The following MBP variants were observed in gnomAD, a reference collection of about 807,000 sequenced individuals.
The protein encoded by MBP is Golli-MBP.
In MBP, 16 loss-of-function variants were observed where a neutral mutation model predicts 35.8. The observed-to-expected ratio is 0.45, with a 90% CI of 0.30 to 0.68. The LOEUF (loss-of-function observed/expected upper bound fraction) is 0.68. Ranked by LOEUF, MBP falls within the 30% of genes least tolerant of loss-of-function variation. The probability of loss-of-function intolerance (pLI) is 0.08; values close to 1 mark genes in which losing one functional copy is unlikely to be tolerated. For missense variants in MBP, 380 were observed against 404.7 expected (o/e 0.94, Z 0.52); for synonymous variants, 143 against 159.6 (o/e 0.90, Z 0.78).
At chr18:77,056,878 C>T (rs1251661816) in intron 3 of MBP, among the ~76,000 whole-genome samples, 1 of 152,126 alleles carries the variant, frequency 6.6e-6, no homozygotes, top group South Asian at 2.1e-4. Flanking sequence ...TCCTAGAAGC[C>T]GAGACCTTTG....
chr18:77,037,078 G>C (rs920305477), intron 3 of MBP, among the ~76,000 whole-genome samples: 11 of 147,958 alleles, frequency 7.4e-5, no homozygotes, highest in African/African-American at 2.8e-4. Context: ...CTGAGTAAGT[G>C]CTGGTCACAT....
At chr18:77,118,612 C>CCAGA (rs139924625) in intron 1 of MBP, among the ~76,000 whole-genome samples, 2 of 134,204 alleles carry the variant, frequency 1.5e-5, no homozygotes, top group Non-Finnish European at 3.2e-5. Context: ...TCCACAGACA[C>CCAGA]CACACACACA....
chr18:77,114,339 A>T (rs1050861129), intron 1 of MBP: 2 of 152,240 alleles, frequency 1.3e-5, no homozygotes, highest in African/African-American at 2.4e-5. Context: ...AGAGAAAGCC[A>T]TTATCAGAAT....
intron 4 of MBP, among the ~76,000 whole-genome samples, chr18:77,011,143 A>T (rs1432592265): frequency 6.6e-6 from 1 of 152,140 alleles, no homozygotes; most frequent in African/African-American, 2.4e-5. Flanking sequence ...ACGTCTCCTG[A>T]TGGATTCTCC....
intron 1 of MBP, among the ~76,000 whole-genome samples, chr18:77,123,129 T>A (rs1486791346): frequency 6.6e-6 from 1 of 152,198 alleles, no homozygotes; most frequent in Non-Finnish European, 1.5e-5. Context: ...AAGGAATTTT[T>A]AAAAAGTAAT....
At chr18:77,074,736 C>T (rs965976319) in intron 2 of MBP, among the ~76,000 whole-genome samples, 3 of 152,216 alleles carry the variant, frequency 2.0e-5, no homozygotes, top group South Asian at 2.1e-4. Context: ...AGCCTGCATT[C>T]CTCAACCTCA....
intron 8 of MBP, chr18:76,982,069 C>T (rs1218427634): frequency 4.6e-5 from 7 of 152,210 alleles, no homozygotes; most frequent in Non-Finnish European, 8.8e-5. Flanking sequence ...ATCATTGAAA[C>T]TACAATTTGT....
At chr18:77,032,006 T>C (rs1297348555) in intron 3 of MBP, among the ~76,000 whole-genome samples, 2 of 152,196 alleles carry the variant, frequency 1.3e-5, no homozygotes, top group Admixed American at 1.3e-4. Context: ...GTGTGTTTTC[T>C]GGGGGTGGAG....
At chr18:77,027,333 T>C (rs546412384) in intron 3 of MBP, among the ~76,000 whole-genome samples, 184 of 152,264 alleles carry the variant, frequency 1.2e-3, no homozygotes, top group African/African-American at 4.3e-3. Flanking sequence ...CATTGTAGGG[T>C]TGCTTTTTGA....
In MBP at chr18:77,086,988, A is replaced by T. The variant is rs553941169; in HGVS notation, c.51+18223T>A. On this transcript the variant is annotated intron_variant, in intron 2 of 8. Transcript: ENST00000355994. ...TAAAATTGCCACGGAAGAATAGGCG[A>T]TCCACCAAATGTTACATTCAATCTG... 2.0e-4 allele frequency among the ~76,000 whole-genome samples: 30 copies of T among 152,374 alleles called. 1 individual carries two copies. The highest frequency in any genetic ancestry group is 6.5e-4 in the Admixed American group (10 of 15,310).
intron 3 of MBP, among the ~76,000 whole-genome samples, chr18:77,062,217 A>G (rs721287): frequency 0.032 from 4,938 of 152,208 alleles, 109 homozygotes; most frequent in East Asian, 0.1. Flanking sequence ...GCTCACCTCA[A>G]CTGAATTGCC....
At chr18:77,024,958 G>C (rs1972144280) in intron 3 of MBP, among the ~76,000 whole-genome samples, 1 of 152,180 alleles carries the variant, frequency 6.6e-6, no homozygotes, top group Non-Finnish European at 1.5e-5. Flanking sequence ...TCCACCCACA[G>C]CACCCGCAGA....
At chr18:77,067,837 G>C (rs548870062) in intron 2 of MBP, 1 of 513,842 alleles carries the variant, frequency 1.9e-6, no homozygotes, top group South Asian at 1.4e-5. Flanking sequence ...CTTCTGGAGA[G>C]AGGGGCAGGC....
At chr18:76,991,073 A>G (rs1374164544) in intron 4 of MBP, among the ~76,000 whole-genome samples, 1 of 152,180 alleles carries the variant, frequency 6.6e-6, no homozygotes, top group Non-Finnish European at 1.5e-5. Flanking sequence ...ACACACAGAA[A>G]AACACACAAC....
At position 77,102,565 on chromosome 18, in the gene MBP, GT is replaced by G. The variant is rs1976076802; in HGVS notation, c.51+2645del. 6.6e-6 allele frequency among the ~76,000 whole-genome samples: 1 copy of G among 152,166 alleles called. No individual in the cohort carries two copies. Among genetic ancestry groups the G allele is most frequent in the Non-Finnish European group, 1.5e-5 (1 of 68,038 alleles). On this transcript the variant is annotated intron_variant, in intron 2 of 8. Coordinates refer to ENST00000355994, the MANE Select transcript of MBP (RefSeq NM_001025101.2). The surrounding 1 kb of genome is among the most constrained non-coding windows in gnomAD (Gnocchi z 4.4). ...AGTTTTAACATTTCCAAGTTTTGAGGTTTTTAAATGATCAGAACTTTAAACA... is the reference window on the plus strand; with the variant it reads ...AGTTTTAACATTTCCAAGTTTTGAGGTTTTAAATGATCAGAACTTTAAACA...
intron 1 of MBP, chr18:77,128,079 T>C (rs1362134589): frequency 6.6e-6 from 1 of 152,232 alleles, no homozygotes; most frequent in African/African-American, 2.4e-5. Context: ...CAAAAACCTG[T>C]ACAAGAATGT....
At chr18:77,086,499 C>A (rs904548899) in intron 2 of MBP, among the ~76,000 whole-genome samples, 1 of 152,106 alleles carries the variant, frequency 6.6e-6, no homozygotes, top group African/African-American at 2.4e-5. Flanking sequence ...TATGGTTACA[C>A]GAAGATGCAA....
chr18:77,111,621 C>T (rs945784644), intron 1 of MBP, among the ~76,000 whole-genome samples: 6 of 152,302 alleles, frequency 3.9e-5, no homozygotes, highest in African/African-American at 1.2e-4. Context: ...GCACCCAGGG[C>T]GGGATTCACC....
chr18:77,100,508 GGTGTGTGTGTGTGTGTGTGTGT>G (rs57715344), intron 2 of MBP, among the ~76,000 whole-genome samples: 5 of 133,606 alleles, frequency 3.7e-5, no homozygotes, highest in Admixed American at 1.4e-4. Context: ...TAGAATTTGG[GGTGTGTGTGTGTGTGTGTGTGT>G]GTGTGTGTGT....
Sources: allele counts gnomAD v4.1 joint callset (sites outside exome capture counted in the v4.1 genomes callset), GRCh38; gene constraint gnomAD v4.1.1; non-coding constraint Gnocchi (gnomAD v3.1); transcripts MANE v1.5; gene names NCBI Gene and HGNC (gene_info 2026-07-23, HGNC 2026-07-21).